The following MARCHF4 variants were observed in gnomAD, a reference collection of about 807,000 sequenced individuals.
MARCHF4 encodes membrane associated ring-CH-type finger 4, also known as E3 ubiquitin-protein ligase MARCHF4.
A neutral mutation model predicts 43.9 loss-of-function variants in MARCHF4; 14 were observed. The ratio of observed to expected loss-of-function variants is 0.32; its 90% CI spans 0.21 to 0.50. The LOEUF (loss-of-function observed/expected upper bound fraction) is 0.50. Ranked by LOEUF, MARCHF4 falls within the 20% of genes least tolerant of loss-of-function variation. The pLI is 0.98. For synonymous variants in MARCHF4, 226 were observed against 213.3 expected, an observed-to-expected ratio of 1.06 and a Z score of -0.52; for missense variants, 468 against 536.7, an observed-to-expected ratio of 0.87 and a Z score of 1.27.
At position 216,273,564 on chromosome 2, in the gene MARCHF4, T is replaced by C. The variant is rs550049896; in HGVS notation, c.865+4108A>G. Among the ~76,000 whole-genome samples, 10 of 152,320 alleles carry C rather than the reference T, an allele frequency of 6.6e-5. No individual in the cohort carries two copies. The South Asian group carries it at 2.1e-3, about 32-fold the overall frequency. ...GAAGATGCCCCTCTGCTGAAATCCC[T>C]TCCACCCACTCTCTGCCAGGGAGCC... On this transcript the variant is annotated intron_variant, in intron 3 of 3. Transcript: ENST00000273067.
At chr2:216,369,672 G>T in intron 1 of MARCHF4, 73 bp downstream of exon 1, 1 of 1,243,122 alleles carries the variant, frequency 8.0e-7, no homozygotes, top group Non-Finnish European at 1.1e-6. Context: ...GTTCCCCAGG[G>T]CAAGCAGGCG....
intron 1 of MARCHF4, among the ~76,000 whole-genome samples, chr2:216,311,269 T>A (rs1691682246): frequency 6.6e-6 from 1 of 152,000 alleles, no homozygotes; most frequent in Non-Finnish European, 1.5e-5. Flanking sequence ...GTGGGGGGGA[T>A]CTCACTTTGT....
rs374189674 is a variant in MARCHF4 at position 216,300,969 on chromosome 2, C to G, written c.517-17240G>C. On this transcript the variant is annotated intron_variant, in intron 1 of 3. Coordinates refer to ENST00000273067, the MANE Select transcript of MARCHF4 (RefSeq NM_020814.3). ...AATAGAGGCAATAAAATGAGAAACCCCCATTTCCTAATTTAAATGTGGCTT... is the reference window on the plus strand; with the variant it reads ...AATAGAGGCAATAAAATGAGAAACCGCCATTTCCTAATTTAAATGTGGCTT... Among the ~76,000 whole-genome samples the G allele has an allele frequency of 5.3e-5, 8 of 152,104 alleles. No individual in the cohort carries two copies. In the East Asian group the frequency reaches 9.6e-4, roughly 18 times the overall value.
In MARCHF4 at chr2:216,371,745, A is replaced by G. The variant is rs1271339497; in HGVS notation, c.-1485T>C. The stretch of plus-strand genomic sequence containing the variant: ...GGGGAGTAATAAAAAATGAAATAAT[A>G]CTAGTGGAATAATTCGGTTCTCAGG... On this transcript the variant is annotated 5_prime_UTR_variant, in exon 1 of 4. Transcript: ENST00000273067. 1 of 151,938 alleles carries G rather than the reference A, an allele frequency of 6.6e-6. No homozygotes were observed. The highest frequency in any genetic ancestry group is 6.6e-5 in the Admixed American group (1 of 15,260). The allele number at this position is 151,938 out of a possible 1,614,324, so 9.4% of individuals were successfully genotyped here.
intron 2 of MARCHF4, 113 bp downstream of exon 2, chr2:216,283,461 T>C (rs1321258232): frequency 1.5e-6 from 2 of 1,338,412 alleles, no homozygotes; most frequent in Admixed American, 4.5e-5. Flanking sequence ...CCAGCCCATC[T>C]TCTTCCTTTT....
intron 1 of MARCHF4, among the ~76,000 whole-genome samples, chr2:216,307,701 C>G (rs1691612399): frequency 6.6e-6 from 1 of 152,172 alleles, no homozygotes; most frequent in Admixed American, 6.5e-5. Flanking sequence ...CCCGTGACAG[C>G]TCGACTGAAT....
At chr2:216,362,962 C>A (rs1053821490) in intron 1 of MARCHF4, among the ~76,000 whole-genome samples, 24 of 152,108 alleles carry the variant, frequency 1.6e-4, no homozygotes, top group African/African-American at 5.1e-4. Context: ...TCCCAGCAAA[C>A]AAGCAGCAGC....
intron 2 of MARCHF4, among the ~76,000 whole-genome samples, chr2:216,281,913 C>G (rs946415787): frequency 2.0e-5 from 3 of 152,018 alleles, no homozygotes; most frequent in African/African-American, 7.3e-5. Flanking sequence ...CATTTTTTAC[C>G]CCCAGGAAAA....
intron 1 of MARCHF4, among the ~76,000 whole-genome samples, chr2:216,354,903 C>CTT (rs1280357184): frequency 1.8e-5 from 1 of 55,236 alleles, no homozygotes; most frequent in Non-Finnish European, 3.3e-5. Context: ...TTCTTTCTTT[C>CTT]TTTCTTTCTT....
At chr2:216,356,301 A>G (rs1228997376) in intron 1 of MARCHF4, among the ~76,000 whole-genome samples, 2 of 152,166 alleles carry the variant, frequency 1.3e-5, no homozygotes, top group Non-Finnish European at 2.9e-5. Context: ...CCTCTTGTCA[A>G]TCTCAAAGCA....
rs1574455414 is a variant in MARCHF4, at chr2:216,258,428, T to C, written c.*884A>G. ...GGTAGTTGGGAAAGTTGCTCCGGGATTGACAGCTTCCAAAGCTGAAGCCAC... is the reference window on the plus strand; with the variant it reads ...GGTAGTTGGGAAAGTTGCTCCGGGACTGACAGCTTCCAAAGCTGAAGCCAC... On this transcript the variant is annotated 3_prime_UTR_variant, in exon 4 of 4. Transcript: ENST00000273067. 1 of 152,528 alleles carries C rather than the reference T, an allele frequency of 6.6e-6. No homozygotes were observed. The highest frequency in any genetic ancestry group is 1.5e-5 in the Non-Finnish European group (1 of 68,278). 9.4% of individuals were successfully genotyped at this position (152,528 alleles called of 1,614,324 possible).
At chr2:216,363,682 T>A (rs1692623112) in intron 1 of MARCHF4, among the ~76,000 whole-genome samples, 2 of 152,162 alleles carry the variant, frequency 1.3e-5, no homozygotes, top group Admixed American at 1.3e-4. Context: ...GGGTCCATAA[T>A]GGTGTCTGTT....
intron 1 of MARCHF4, among the ~76,000 whole-genome samples, chr2:216,324,405 A>G (rs1691953596): frequency 6.6e-6 from 1 of 151,158 alleles, no homozygotes; most frequent in Admixed American, 6.6e-5. Flanking sequence ...AACTGGTACC[A>G]TTCCTTCTGA....
At chr2:216,279,009 A>G (rs1171537797) in intron 2 of MARCHF4, among the ~76,000 whole-genome samples, 2 of 152,208 alleles carry the variant, frequency 1.3e-5, no homozygotes, top group African/African-American at 4.8e-5. Flanking sequence ...CCTAGGCGAA[A>G]ACAGACAAGG....
intron 1 of MARCHF4, among the ~76,000 whole-genome samples, chr2:216,330,817 C>A (rs967664035): frequency 5.9e-5 from 9 of 151,862 alleles, no homozygotes; most frequent in Non-Finnish European, 1.2e-4. Flanking sequence ...TATGACAAAT[C>A]AAAAATGTGT....
intron 1 of MARCHF4, among the ~76,000 whole-genome samples, chr2:216,301,086 C>G (rs1691486250): frequency 6.6e-6 from 1 of 152,162 alleles, no homozygotes; most frequent in Non-Finnish European, 1.5e-5. Flanking sequence ...TGGGGAGACC[C>G]AAGGCTGCCA....
intron 1 of MARCHF4, among the ~76,000 whole-genome samples, chr2:216,363,903 A>G (rs546469649): frequency 2.2e-4 from 33 of 152,256 alleles, no homozygotes; most frequent in African/African-American, 7.7e-4. Flanking sequence ...TGACCCCTTG[A>G]ATTGGAGAGG....
rs1691052747 is a variant in MARCHF4, at chr2:216,277,841, G to A, written c.696C>T (p.Val232=). ...CGGCTGCAACCTGAACCTTCTCAAT[G>A]ACCGTCAGAGAGATGGCCTGCCACT... is the stretch of plus-strand genomic sequence containing the variant. The part of the protein sequence containing the change: ...PLQWQAISLT[V]IEKVQVAAAI... Residue 232 remains valine (V), a synonymous_variant, in exon 3 of 4, where the codon GTC becomes GTT. Transcript: ENST00000273067. 6.2e-7 allele frequency: 1 copy of A among 1,612,196 alleles called. No individual in the cohort carries two copies. The highest frequency in any genetic ancestry group is 8.5e-7 in the Non-Finnish European group (1 of 1,178,514).
intron 1 of MARCHF4, among the ~76,000 whole-genome samples, chr2:216,300,332 A>G (rs1691472493): frequency 7.0e-6 from 1 of 143,534 alleles, no homozygotes; most frequent in Admixed American, 7.0e-5. Context: ...ATATATGTCC[A>G]TCTCGATATA....
Sources: gnomAD v4.1 joint callset for allele counts (sites outside exome capture counted in the v4.1 genomes callset) on GRCh38, gnomAD v4.1.1 for gene constraint, MANE v1.5 for transcripts, NCBI Gene and HGNC (gene_info 2026-07-23, HGNC 2026-07-21) for gene names.